The following ABLIM2 variants were observed in gnomAD, a reference collection of about 807,000 sequenced individuals.
ABLIM2 encodes the protein actin-binding LIM protein 2.
A neutral mutation model predicts 97.7 loss-of-function variants in ABLIM2; 53 were observed. The ratio of observed to expected loss-of-function variants is 0.54; its 90% CI spans 0.44 to 0.68. The LOEUF (loss-of-function observed/expected upper bound fraction) is 0.68. Among genes scored for constraint, ABLIM2 ranks in the 30% least tolerant of loss-of-function variants. The pLI, the probability that ABLIM2 is intolerant of heterozygous loss-of-function variation, is 0.00. For synonymous variants in ABLIM2, 361 were observed against 345.8 expected, an observed-to-expected ratio of 1.04 and a Z score of -0.49; for missense variants, 835 against 867.2, an observed-to-expected ratio of 0.96 and a Z score of 0.47.
At chr4:8,078,738 A>G (rs1817878750) in intron 5 of ABLIM2, among the ~76,000 whole-genome samples, 1 of 152,236 alleles carries the variant, frequency 6.6e-6, no homozygotes, top group Non-Finnish European at 1.5e-5. Flanking sequence ...CCCCAACTGC[A>G]TAATGGGGGA....
At chr4:8,018,734 T>C (rs1282087889) in intron 14 of ABLIM2, among the ~76,000 whole-genome samples, 1 of 152,238 alleles carries the variant, frequency 6.6e-6, no homozygotes, top group African/African-American at 2.4e-5. Flanking sequence ...GATGTGGCTA[T>C]TTGCTTTAGG....
intron 16 of ABLIM2, among the ~76,000 whole-genome samples, chr4:8,000,917 AC>A: frequency 6.6e-6 from 1 of 152,236 alleles, no homozygotes; most frequent in Admixed American, 6.5e-5. Flanking sequence ...GGTCAAAGTC[AC>A]CGCTGGACAT....
rs935015338 is a variant in ABLIM2 at position 8,130,959 on chromosome 4, G to A, written c.11-24322C>T. Among the ~76,000 whole-genome samples the A allele has an allele frequency of 2.0e-5, 3 of 152,046 alleles. No homozygotes were observed. The highest frequency in any genetic ancestry group is 7.2e-5 in the African/African-American group (3 of 41,380). On this transcript the variant is annotated intron_variant, in intron 1 of 20. Transcript: ENST00000447017. This position sits in a 1 kb window ranked among gnomAD's most constrained non-coding sequence, Gnocchi z 4.2. The stretch of plus-strand genomic sequence containing the variant: ...CCCAAAGGCTCTAGGGGAGGCTGCC[G>A]TTACCTCGCCCTGCTCTTGGGGCAG...
intron 3 of ABLIM2, among the ~76,000 whole-genome samples, chr4:8,090,338 C>T (rs1826497642): frequency 4.6e-5 from 7 of 152,246 alleles, no homozygotes; most frequent in Admixed American, 4.6e-4. Context: ...CTCTCTGAAA[C>T]ACTTCCCACC....
rs896966750 is a variant in ABLIM2 at position 8,083,406 on chromosome 4, G to A, written c.455-2604C>T. Among the ~76,000 whole-genome samples the A allele has an allele frequency of 1.3e-5, 2 of 152,144 alleles. No individual in the cohort carries two copies. The highest frequency in any genetic ancestry group is 2.9e-5 in the Non-Finnish European group (2 of 68,022). Reference sequence around the variant, plus strand: ...TGTTGTTGCCAGGTGGTCCCCTCACGGGTGGCCTGCTCCCTCTGTGATGCC... The same window carrying A: ...TGTTGTTGCCAGGTGGTCCCCTCACAGGTGGCCTGCTCCCTCTGTGATGCC... On this transcript the variant is annotated intron_variant, in intron 4 of 20. Transcript: ENST00000447017. This position sits in a 1 kb window ranked among gnomAD's most constrained non-coding sequence, Gnocchi z 4.6.
chr4:7,983,594 A>C, intron 18 of ABLIM2, 40 bp from the exon 19 acceptor site: 2 of 1,610,106 alleles, frequency 1.2e-6, no homozygotes, highest in Non-Finnish European at 1.7e-6. Flanking sequence ...AATGGTTTAG[A>C]AAGTGCAAGA....
At chr4:7,988,908 C>T (rs1222150651) in intron 17 of ABLIM2, among the ~76,000 whole-genome samples, 1 of 152,098 alleles carries the variant, frequency 6.6e-6, no homozygotes, top group Non-Finnish European at 1.5e-5. Context: ...TTTGTTAATG[C>T]TTGTCTTGTA....
chr4:8,066,391 AAGGAAGGAAGG>A, intron 6 of ABLIM2: 1 of 120,058 alleles, frequency 8.3e-6, no homozygotes, highest in Non-Finnish European at 1.8e-5. Context: ...GGAAGGAAGG[AAGGAAGGAAGG>A]AAGGAAGGAA....
rs1332641143 is a variant in ABLIM2, at chr4:8,022,243, T to A, written c.1268-1940A>T. Among the ~76,000 whole-genome samples the A allele has an allele frequency of 6.6e-6, 1 of 152,270 alleles. No individual in the cohort carries two copies. Among genetic ancestry groups the A allele is most frequent in the East Asian group, 1.9e-4 (1 of 5,186 alleles). On this transcript the variant is annotated intron_variant, in intron 12 of 20. Transcript: ENST00000447017. This position sits in a 1 kb window ranked among gnomAD's most constrained non-coding sequence, Gnocchi z 7.8. The stretch of plus-strand genomic sequence containing the variant: ...ACCTGGGAGGCCAGGAAGGGCTGGT[T>A]TCTTCCTATCTGGAATCATGGCCCC...
chr4:8,055,038 C>A (rs1798187368), intron 7 of ABLIM2, among the ~76,000 whole-genome samples: 1 of 150,356 alleles, frequency 6.7e-6, no homozygotes, highest in African/African-American at 2.4e-5. Flanking sequence ...TACCCCAAGT[C>A]TTTGTTTTTG....
chr4:7,991,090 A>C (rs1748349676), intron 17 of ABLIM2, among the ~76,000 whole-genome samples: 1 of 152,236 alleles, frequency 6.6e-6, no homozygotes, highest in African/African-American at 2.4e-5. Context: ...TTAATTCTGT[A>C]AAGTTTGAGG....
At chr4:8,059,308 T>TG (rs1466329420) in intron 7 of ABLIM2, among the ~76,000 whole-genome samples, 1 of 151,914 alleles carries the variant, frequency 6.6e-6, no homozygotes, top group African/African-American at 2.4e-5. Context: ...AGTTGATTAC[T>TG]GGGGGAAACA....
At chr4:8,039,894 T>TTTTTTTTTTC (rs1553989809) in intron 9 of ABLIM2, among the ~76,000 whole-genome samples, 1 of 145,548 alleles carries the variant, frequency 6.9e-6, no homozygotes. Context: ...TTTTTTTTTT[T>TTTTTTTTTTC]TTAATAAATG....
chr4:8,109,586 G>A (rs1839302711), intron 1 of ABLIM2, among the ~76,000 whole-genome samples: 1 of 152,136 alleles, frequency 6.6e-6, no homozygotes, highest in Admixed American at 6.5e-5. Context: ...CCTCGCCTAG[G>A]GTCCCTGCCC....
At chr4:8,099,518 C>T (rs1394853396) in intron 2 of ABLIM2, among the ~76,000 whole-genome samples, 1 of 152,096 alleles carries the variant, frequency 6.6e-6, no homozygotes, top group Non-Finnish European at 1.5e-5. Flanking sequence ...TCTAGCTGTC[C>T]TGAGTATGCC....
chr4:8,059,050 T>G (rs780031519), intron 7 of ABLIM2, among the ~76,000 whole-genome samples: 2 of 152,158 alleles, frequency 1.3e-5, no homozygotes, highest in Non-Finnish European at 2.9e-5. Flanking sequence ...GCGATGGTCC[T>G]GACTCCTGTT....
At chr4:8,031,848 C>T (rs1023255964) in intron 10 of ABLIM2, among the ~76,000 whole-genome samples, 4 of 151,960 alleles carry the variant, frequency 2.6e-5, no homozygotes, top group Non-Finnish European at 4.4e-5. Flanking sequence ...CCTCAGCTTC[C>T]GACTAGCTGG....
At chr4:8,096,451 C>A (rs12501747) in intron 3 of ABLIM2, among the ~76,000 whole-genome samples, 1 of 152,216 alleles carries the variant, frequency 6.6e-6, no homozygotes, top group Non-Finnish European at 1.5e-5. Context: ...GGTCACGCTA[C>A]GATGACACAG....
chr4:8,033,340 T>C lies in ABLIM2; in HGVS notation c.1047+2809A>G, dbSNP rs552336592. The stretch of plus-strand genomic sequence containing the variant: ...GCACTCTGTTCACAGGAACCATGGT[T>C]ATTACAGCGCAATAACTCGACGGCC... On this transcript the variant is annotated intron_variant, in intron 10 of 20. Coordinates refer to ENST00000447017, the MANE Select transcript of ABLIM2 (RefSeq NM_001130083.2). The surrounding 1 kb of genome is among the most constrained non-coding windows in gnomAD (Gnocchi z 4.5). Among the ~76,000 whole-genome samples, 2 of 152,276 alleles carry C rather than the reference T, an allele frequency of 1.3e-5. No homozygotes were observed. Among genetic ancestry groups the C allele is most frequent in the South Asian group, 4.1e-4 (2 of 4,824 alleles).
Sources: gnomAD v4.1 joint callset for allele counts (sites outside exome capture counted in the v4.1 genomes callset) on GRCh38, gnomAD v4.1.1 for gene constraint, Gnocchi (gnomAD v3.1) non-coding constraint, MANE v1.5 for transcripts, NCBI Gene and HGNC (gene_info 2026-07-23, HGNC 2026-07-21) for gene names.